CCDC178: variants seen among roughly 807,000 people sequenced by gnomAD.
CCDC178 encodes coiled-coil domain-containing protein 178.
In CCDC178, 126 loss-of-function variants were observed where a neutral mutation model predicts 117.4. The observed-to-expected ratio is 1.07, with a 90% CI of 0.93 to 1.24. The LOEUF is 1.24. CCDC178 is among the 50% of genes most tolerant of loss of function. The pLI is 0.00. For synonymous variants in CCDC178, 283 were observed against 313.4 expected, an observed-to-expected ratio of 0.90 and a Z score of 1.02; for missense variants, 1,030 against 986.9, an observed-to-expected ratio of 1.04 and a Z score of -0.59.
chr18:33,055,040 C>G (rs368320661), intron 21 of CCDC178, among the ~76,000 whole-genome samples: 4 of 152,176 alleles, frequency 2.6e-5, no homozygotes, highest in African/African-American at 9.7e-5. Flanking sequence ...AGATGTCGAG[C>G]ATTTTTTCAT....
intron 14 of CCDC178, among the ~76,000 whole-genome samples, chr18:33,257,986 T>A (rs2059700052): frequency 6.6e-6 from 1 of 152,116 alleles, no homozygotes; most frequent in Non-Finnish European, 1.5e-5. Context: ...ATGTCTTATA[T>A]CCCACCTACC....
intron 20 of CCDC178, among the ~76,000 whole-genome samples, chr18:33,201,984 C>T (rs1173829882): frequency 6.6e-6 from 1 of 152,112 alleles, no homozygotes; most frequent in Non-Finnish European, 1.5e-5. Context: ...TTTATGTGTT[C>T]CCCTGGTTTC....
intron 3 of CCDC178, among the ~76,000 whole-genome samples, chr18:33,398,390 A>C (rs1311569517): frequency 6.6e-6 from 1 of 152,174 alleles, no homozygotes; most frequent in Non-Finnish European, 1.5e-5. Context: ...ATTTAGATTC[A>C]AACTAGAAAA....
intron 21 of CCDC178, 56 bp from the exon 22 acceptor site, chr18:32,974,737 G>T: frequency 1.3e-6 from 2 of 1,555,930 alleles, no homozygotes; most frequent in Non-Finnish European, 1.8e-6. Flanking sequence ...GGAAATTAAT[G>T]GCAGTGTTCA....
intron 12 of CCDC178, among the ~76,000 whole-genome samples, chr18:33,283,604 CA>C (rs979344672): frequency 1.3e-4 from 20 of 152,010 alleles, no homozygotes; most frequent in African/African-American, 4.6e-4. Context: ...GGGCAAAGGA[CA>C]AGAGCAAACA....
intron 20 of CCDC178, among the ~76,000 whole-genome samples, chr18:33,106,159 A>G (rs1567991910): frequency 6.6e-6 from 1 of 151,670 alleles, no homozygotes; most frequent in East Asian, 1.9e-4. Context: ...TGGGAGAAGC[A>G]ATGCTCCTCA....
At chr18:33,243,279 T>G (rs1251534890) in intron 15 of CCDC178, among the ~76,000 whole-genome samples, 1 of 151,828 alleles carries the variant, frequency 6.6e-6, no homozygotes, top group Non-Finnish European at 1.5e-5. Flanking sequence ...GACAGAGATT[T>G]TTTAAAGGAT....
Position 33,094,905 on chromosome 18 carries a change from G to C in CCDC178, c.2239-1995C>G, listed in dbSNP as rs544866597. Among the ~76,000 whole-genome samples the C allele has an allele frequency of 2.6e-5, 4 of 152,022 alleles. No individual in the cohort carries two copies. The East Asian group carries it at 5.8e-4, about 22-fold the overall frequency. ...ATTCACTACTTATTCCTGAAAGTCA[G>C]TGACCTTCAGATGTATAATGAAGTT... is the stretch of plus-strand genomic sequence containing the variant. On this transcript the variant is annotated intron_variant, in intron 20 of 22. Transcript: ENST00000383096.
At chr18:33,350,488 T>C (rs540189372) in intron 7 of CCDC178, among the ~76,000 whole-genome samples, 11 of 152,198 alleles carry the variant, frequency 7.2e-5, no homozygotes, top group Non-Finnish European at 1.3e-4. Context: ...GCTGTCTTTG[T>C]GGATGAACTT....
At chr18:33,183,710 C>T (rs1241190207) in intron 20 of CCDC178, among the ~76,000 whole-genome samples, 1 of 151,982 alleles carries the variant, frequency 6.6e-6, no homozygotes, top group African/African-American at 2.4e-5. Flanking sequence ...ATAGGGCATT[C>T]AGCTCTGCTC....
chr18:33,081,266 A>G (rs2145033852), intron 21 of CCDC178, among the ~76,000 whole-genome samples: 2 of 152,366 alleles, frequency 1.3e-5, no homozygotes, highest in East Asian at 3.9e-4. Flanking sequence ...TCATGAAGTC[A>G]TACACAGCAT....
chr18:33,242,687 G>A (rs2059502230), intron 15 of CCDC178, among the ~76,000 whole-genome samples: 1 of 151,610 alleles, frequency 6.6e-6, no homozygotes. Flanking sequence ...CCAGATAAAT[G>A]CAAATCAAAA....
intron 11 of CCDC178, among the ~76,000 whole-genome samples, chr18:33,295,570 A>G (rs550710705): frequency 2.1e-4 from 32 of 152,280 alleles, no homozygotes; most frequent in African/African-American, 7.5e-4. Flanking sequence ...TATTTTCAAA[A>G]TTAAAGAATT....
chr18:33,019,430 G>T (rs1428463874), intron 21 of CCDC178, among the ~76,000 whole-genome samples: 5 of 152,174 alleles, frequency 3.3e-5, no homozygotes, highest in Non-Finnish European at 7.4e-5. Flanking sequence ...ATCCTAGGTT[G>T]TCCAAGATAT....
At chr18:32,993,282 C>A (rs1438330956) in intron 21 of CCDC178, among the ~76,000 whole-genome samples, 3 of 152,198 alleles carry the variant, frequency 2.0e-5, no homozygotes, top group African/African-American at 7.2e-5. Flanking sequence ...AAAACAGGGA[C>A]AGGGTGGAAG....
At chr18:33,276,193 G>A (rs2059948929) in intron 12 of CCDC178, among the ~76,000 whole-genome samples, 1 of 152,018 alleles carries the variant, frequency 6.6e-6, no homozygotes, top group African/African-American at 2.4e-5. Context: ...CTTTGGCCTA[G>A]AAATTCACAA....
chr18:33,159,812 T>A (rs1362952708), intron 20 of CCDC178, among the ~76,000 whole-genome samples: 2 of 152,102 alleles, frequency 1.3e-5, no homozygotes, highest in African/African-American at 4.8e-5. Flanking sequence ...TGTTCTCATT[T>A]AAATAGTATC....
chr18:33,309,125 A>G (rs1361706072), intron 11 of CCDC178, among the ~76,000 whole-genome samples: 2 of 152,018 alleles, frequency 1.3e-5, no homozygotes, highest in African/African-American at 2.4e-5. Flanking sequence ...TTAAGATGTC[A>G]AGGTTTGGCA....
At chr18:33,376,180 T>A (rs571492241) in intron 5 of CCDC178, among the ~76,000 whole-genome samples, 63 of 152,210 alleles carry the variant, frequency 4.1e-4, no homozygotes, top group African/African-American at 1.4e-3. Context: ...TGCCTTTCTC[T>A]GGCACTGGCT....
Sources: gnomAD v4.1 joint callset for allele counts (sites outside exome capture counted in the v4.1 genomes callset) on GRCh38, gnomAD v4.1.1 for gene constraint, MANE v1.5 for transcripts, NCBI Gene and HGNC (gene_info 2026-07-23, HGNC 2026-07-21) for gene names.